The following ZFAND3 variants were observed in gnomAD, a reference collection of about 807,000 sequenced individuals.
ZFAND3 encodes AN1-type zinc finger protein 3.
A neutral mutation model predicts 29.6 loss-of-function variants in ZFAND3; 10 were observed. The observed-to-expected ratio is 0.34, with a 90% confidence interval of 0.21 to 0.57. The LOEUF (loss-of-function observed/expected upper bound fraction) is 0.57, where lower values mean the gene tolerates loss of function less well. Ranked by LOEUF, ZFAND3 falls within the 20% of genes least tolerant of loss-of-function variation. The pLI is 0.86. For synonymous variants in ZFAND3, 128 were observed against 112.6 expected (o/e 1.14, Z -0.87); for missense variants, 230 against 304.5 (o/e 0.76, Z 1.82).
chr6:37,971,033 G>A (rs1762378744), intron 2 of ZFAND3, among the ~76,000 whole-genome samples: 1 of 152,222 alleles, frequency 6.6e-6, no homozygotes, highest in African/African-American at 2.4e-5. Flanking sequence ...GATTGATGAT[G>A]TAGTTTGTGA....
In ZFAND3 at chr6:37,865,469, G is replaced by C. The variant is rs186384483; in HGVS notation, c.71+45453G>C. On this transcript the variant is annotated intron_variant, in intron 1 of 5. Coordinates refer to ENST00000287218, the MANE Select transcript of ZFAND3 (RefSeq NM_021943.3). ...CTGTATGTAAAATATGGCACACACAGATACACACGCACACACTTGTCTCTT... is the reference window on the plus strand; with the variant it reads ...CTGTATGTAAAATATGGCACACACACATACACACGCACACACTTGTCTCTT... Among the ~76,000 whole-genome samples the C allele has an allele frequency of 3.1e-3, 471 of 152,284 alleles. 3 individuals carry two copies. Among genetic ancestry groups the C allele is most frequent in the African/African-American group, 0.011 (448 of 41,566 alleles).
intron 5 of ZFAND3, among the ~76,000 whole-genome samples, chr6:38,144,194 TATATA>T (rs1766032848): frequency 3.1e-5 from 1 of 32,276 alleles, no homozygotes; most frequent in African/African-American, 1.4e-4. Context: ...AATATATATA[TATATA>T]TATATATATA....
chr6:37,944,367 C>T (rs1761864370), intron 2 of ZFAND3, among the ~76,000 whole-genome samples: 1 of 152,100 alleles, frequency 6.6e-6, no homozygotes, highest in South Asian at 2.1e-4. Flanking sequence ...GTTTCATGTT[C>T]TAAGATACAT....
intron 1 of ZFAND3, among the ~76,000 whole-genome samples, chr6:37,870,432 C>T (rs1215449366): frequency 2.0e-5 from 3 of 151,326 alleles, no homozygotes; most frequent in Admixed American, 6.6e-5. Context: ...TGAAACCCCG[C>T]CTCTACTAAA....
chr6:37,831,906 G>A (rs1490837129), intron 1 of ZFAND3, among the ~76,000 whole-genome samples: 1 of 152,182 alleles, frequency 6.6e-6, no homozygotes, highest in East Asian at 1.9e-4. Context: ...AAGCAACTGG[G>A]AAGCATTTAA....
At chr6:37,933,721 C>T (rs941157002) in intron 2 of ZFAND3, among the ~76,000 whole-genome samples, 2 of 152,108 alleles carry the variant, frequency 1.3e-5, no homozygotes, top group African/African-American at 4.8e-5. Flanking sequence ...ACTCGAAGCT[C>T]AACCAAAATT....
chr6:37,824,942 A>C (rs1763732356), intron 1 of ZFAND3, among the ~76,000 whole-genome samples: 1 of 152,220 alleles, frequency 6.6e-6, no homozygotes, highest in South Asian at 2.1e-4. Flanking sequence ...TAATAATAGA[A>C]AGTTGATTGA....
At chr6:37,834,513 C>T (rs1447139120) in intron 1 of ZFAND3, among the ~76,000 whole-genome samples, 1 of 152,078 alleles carries the variant, frequency 6.6e-6, no homozygotes, top group East Asian at 1.9e-4. Flanking sequence ...TGGTTACATA[C>T]CAAGGAACAC....
At chr6:37,973,218 T>G (rs1762420619) in intron 2 of ZFAND3, among the ~76,000 whole-genome samples, 1 of 152,168 alleles carries the variant, frequency 6.6e-6, no homozygotes, top group African/African-American at 2.4e-5. Context: ...TTGCAAGTAG[T>G]TAAATACACC....
At chr6:37,834,157 C>T (rs1412683161) in intron 1 of ZFAND3, among the ~76,000 whole-genome samples, 1 of 152,146 alleles carries the variant, frequency 6.6e-6, no homozygotes, top group Non-Finnish European at 1.5e-5. Context: ...CTCTGCTCTG[C>T]CTGTTCATCT....
chr6:37,819,793 G>A lies in ZFAND3; in HGVS notation c.-153G>A, dbSNP rs1014841768. 2.7e-6 allele frequency: 1 copy of A among 376,874 alleles called. No individual in the cohort carries two copies. Among genetic ancestry groups the A allele is most frequent in the Admixed American group, 5.8e-5 (1 of 17,290 alleles). The allele number at this position is 376,874 out of a possible 1,614,324, so 23.3% of individuals were successfully genotyped here. A position where few individuals can be genotyped will look rare whatever the true frequency, so the allele number is the denominator to read the frequency against. On this transcript the variant is annotated 5_prime_UTR_variant, in exon 1 of 6. Transcript: ENST00000287218. The stretch of plus-strand genomic sequence containing the variant: ...CTGACCGGCCTGGAATCCCGGCTCC[G>A]AGCCCCGGACTCGCGCCCGCCCGCG...
At chr6:37,906,112 C>G (rs1352426793) in intron 1 of ZFAND3, among the ~76,000 whole-genome samples, 1 of 151,928 alleles carries the variant, frequency 6.6e-6, no homozygotes, top group African/African-American at 2.4e-5. Flanking sequence ...GTGTTTAGTA[C>G]AGTCAGTGTT....
chr6:37,847,433 G>A (rs1449630369), intron 1 of ZFAND3, among the ~76,000 whole-genome samples: 1 of 152,060 alleles, frequency 6.6e-6, no homozygotes, highest in Non-Finnish European at 1.5e-5. Context: ...AATTAGCTGG[G>A]TGTGGTGGCA....
chr6:38,041,659 T>C (rs138700711), intron 2 of ZFAND3, among the ~76,000 whole-genome samples: 3,100 of 27,504 alleles, frequency 0.11, 121 homozygotes, highest in African/African-American at 0.18. Context: ...CTTCTTCTTC[T>C]TCTTCTTCTT....
intron 2 of ZFAND3, among the ~76,000 whole-genome samples, chr6:37,962,914 GA>G (rs1387302193): frequency 6.6e-6 from 1 of 152,142 alleles, no homozygotes; most frequent in Non-Finnish European, 1.5e-5. Flanking sequence ...AAGTCAGCGA[GA>G]CCACGAACCC....
intron 2 of ZFAND3, among the ~76,000 whole-genome samples, chr6:38,056,640 A>C (rs1247576793): frequency 6.6e-6 from 1 of 152,166 alleles, no homozygotes; most frequent in East Asian, 1.9e-4. Flanking sequence ...TTTTAAGTGC[A>C]TTTTGTAGTA....
At chr6:37,874,514 CAAAAAAAAAA>C (rs11447694) in intron 1 of ZFAND3, among the ~76,000 whole-genome samples, 1 of 79,774 alleles carries the variant, frequency 1.3e-5, no homozygotes, top group South Asian at 5.2e-4. Context: ...AACTCCGTCT[CAAAAAAAAAA>C]AAAAAAAAAA....
In ZFAND3 at chr6:38,006,783, G is replaced by A. The variant is rs370837210; in HGVS notation, c.113-54810G>A. Among the ~76,000 whole-genome samples the A allele has an allele frequency of 4.6e-5, 7 of 151,166 alleles. No homozygotes were observed. In the East Asian group the frequency reaches 9.8e-4, roughly 21 times the overall value. On this transcript the variant is annotated intron_variant, in intron 2 of 5. Transcript: ENST00000287218. ...AGGGCTTTAGGAATTGCCTCATATC[G>A]TGCGTCTAAATATTGCACCCCTGCC...
chr6:37,823,663 G>T (rs1763707030), intron 1 of ZFAND3, among the ~76,000 whole-genome samples: 1 of 152,192 alleles, frequency 6.6e-6, no homozygotes, highest in African/African-American at 2.4e-5. Flanking sequence ...TATAAATTGT[G>T]TACAGGTAAT....
Sources: allele counts gnomAD v4.1 joint callset (sites outside exome capture counted in the v4.1 genomes callset), GRCh38; gene constraint gnomAD v4.1.1; transcripts MANE v1.5; gene names NCBI Gene and HGNC (gene_info 2026-07-23, HGNC 2026-07-21).